The following PACSIN2 variants were observed in gnomAD, a reference collection of about 807,000 sequenced individuals.
The protein encoded by PACSIN2 is protein kinase C and casein kinase substrate in neurons protein 2.
In PACSIN2, 25 loss-of-function variants were observed where a neutral mutation model predicts 63.8. The ratio of observed to expected loss-of-function variants is 0.39; its 90% confidence interval spans 0.29 to 0.55. The LOEUF (loss-of-function observed/expected upper bound fraction) is 0.55. PACSIN2 is among the 20% of genes least tolerant of loss of function. PACSIN2 has a pLI of 0.62. For synonymous variants in PACSIN2, 255 were observed against 256.2 expected (o/e 1.00, Z 0.05); for missense variants, 518 against 646.9 (o/e 0.80, Z 2.16).
chr22:42,896,717 G>C (rs892543721), intron 2 of PACSIN2, among the ~76,000 whole-genome samples: 1 of 152,216 alleles, frequency 6.6e-6, no homozygotes, highest in Non-Finnish European at 1.5e-5. Context: ...CTGGACAGCT[G>C]TGCACTGCCA....
intron 1 of PACSIN2, among the ~76,000 whole-genome samples, chr22:42,915,582 C>T (rs1262804846): frequency 6.6e-6 from 1 of 152,202 alleles, no homozygotes; most frequent in Non-Finnish European, 1.5e-5. Context: ...ATGTGCATTA[C>T]TTAAGAGTTC....
At position 42,888,709 on chromosome 22, in the gene PACSIN2, G is replaced by A. The variant is rs915151000; in HGVS notation, c.543C>T (p.Ser181=). 1.9e-6 allele frequency: 3 copies of A among 1,614,180 alleles called. No homozygotes were observed. In the Admixed American group the frequency reaches 5.0e-5, roughly 27 times the overall value. Residue 181 remains serine (S), a synonymous_variant, in exon 5 of 11, where the codon TCC becomes TCT. Transcript: ENST00000263246. ...ATTTCTTGAGCTGTTCAGGGTTGAG[G>A]GATGGGTCTGCCTTGCTGTTGGCTT... ...SREANSKADP[S]LNPEQLKKLQ... is the part of the protein sequence containing the mutation.
intron 1 of PACSIN2, among the ~76,000 whole-genome samples, chr22:42,983,416 G>C (rs79883834): frequency 2.1e-5 from 3 of 145,826 alleles, no homozygotes; most frequent in African/African-American, 7.6e-5. Context: ...CTTGAACCCA[G>C]AAGGCGGAGG....
intron 1 of PACSIN2, among the ~76,000 whole-genome samples, 183 bp from the exon 2 acceptor site, chr22:42,912,340 C>T (rs980205531): frequency 6.6e-6 from 1 of 152,146 alleles, no homozygotes; most frequent in South Asian, 2.1e-4. Flanking sequence ...ATGTGTATGT[C>T]TGTGTGTGTG....
intron 1 of PACSIN2, among the ~76,000 whole-genome samples, chr22:42,919,908 C>T (rs932567951): frequency 5.3e-5 from 8 of 150,868 alleles, no homozygotes; most frequent in African/African-American, 1.9e-4. Flanking sequence ...CTTGAGGCCA[C>T]CCTGGGCAAC....
intron 1 of PACSIN2, among the ~76,000 whole-genome samples, chr22:42,930,821 G>T (rs1932766707): frequency 6.6e-6 from 1 of 152,224 alleles, no homozygotes; most frequent in African/African-American, 2.4e-5. Context: ...CACACAACTA[G>T]TAAGGGGCAG....
Position 42,876,801 on chromosome 22 carries a change from T to C in PACSIN2, c.1151+87A>G, listed in dbSNP as rs56033074. The stretch of plus-strand genomic sequence containing the variant: ...CTGCAGAGCTCCGTGCATTGCCGAG[T>C]GCCGAGGGGTGAGACCCCTGGACAG... On this transcript the variant is annotated intron_variant, in intron 9 of 10. Transcript: ENST00000263246. The C allele has an allele frequency of 4.6e-3, 7,142 of 1,554,090 alleles. 295 individuals are homozygous for C. In the African/African-American group the frequency reaches 0.088, roughly 19 times the overall value.
At chr22:42,965,015 A>C (rs1920941125) in intron 1 of PACSIN2, among the ~76,000 whole-genome samples, 1 of 152,222 alleles carries the variant, frequency 6.6e-6, no homozygotes, top group Admixed American at 6.5e-5. Flanking sequence ...CTCCTGTAGC[A>C]CCTAGGTTTG....
intron 1 of PACSIN2, among the ~76,000 whole-genome samples, chr22:42,970,149 G>A (rs1437877283): frequency 1.3e-5 from 2 of 152,202 alleles, no homozygotes; most frequent in African/African-American, 4.8e-5. Flanking sequence ...CTGGCCTGAA[G>A]GGATCAGCAA....
At chr22:42,896,280 T>G (rs1366840838) in intron 2 of PACSIN2, among the ~76,000 whole-genome samples, 5 of 152,232 alleles carry the variant, frequency 3.3e-5, no homozygotes, top group African/African-American at 1.2e-4. Flanking sequence ...CTTTTGAGAC[T>G]GGCTTCTGTC....
At chr22:43,010,398 A>ATATATATATATATATATATTTTTTTTT in intron 1 of PACSIN2, among the ~76,000 whole-genome samples, 3 of 126,410 alleles carry the variant, frequency 2.4e-5, no homozygotes, top group East Asian at 2.1e-4. Flanking sequence ...ATATATATAT[A>ATATATATATATATATATATTTTTTTTT]TTTTTTTTTA....
At chr22:42,958,323 T>C (rs184538407) in intron 1 of PACSIN2, among the ~76,000 whole-genome samples, 8 of 152,194 alleles carry the variant, frequency 5.3e-5, no homozygotes, top group Admixed American at 5.2e-4. Flanking sequence ...GCTCTAAATA[T>C]TGCGTTCCCA....
At chr22:42,891,512 T>C (rs1017493593) in intron 3 of PACSIN2, among the ~76,000 whole-genome samples, 1 of 152,188 alleles carries the variant, frequency 6.6e-6, no homozygotes, top group African/African-American at 2.4e-5. Flanking sequence ...GAGATTCTCC[T>C]GCCTCAGCCT....
intron 2 of PACSIN2, among the ~76,000 whole-genome samples, chr22:42,906,321 T>C (rs954131735): frequency 6.6e-6 from 1 of 152,248 alleles, no homozygotes. Flanking sequence ...AAAGGCTGCT[T>C]TCTGCTCTAA....
intron 1 of PACSIN2, among the ~76,000 whole-genome samples, chr22:43,012,714 C>T (rs1924584606): frequency 6.6e-6 from 1 of 151,776 alleles, no homozygotes; most frequent in East Asian, 1.9e-4. Flanking sequence ...GTGCAACGGC[C>T]GGATCTTGGC....
At chr22:42,895,874 C>T (rs538981509) in intron 2 of PACSIN2, among the ~76,000 whole-genome samples, 8 of 152,312 alleles carry the variant, frequency 5.3e-5, no homozygotes, top group South Asian at 2.1e-4. Context: ...TTTAATGAAA[C>T]GGTTGTGTGG....
chr22:43,012,577 T>C (rs142757987), intron 1 of PACSIN2, among the ~76,000 whole-genome samples: 1 of 152,010 alleles, frequency 6.6e-6, no homozygotes, highest in East Asian at 1.9e-4. Context: ...ATCTCCCAGG[T>C]TCAAGCAATT....
At chr22:42,981,889 G>T (rs1430285935) in intron 1 of PACSIN2, among the ~76,000 whole-genome samples, 1 of 94,138 alleles carries the variant, frequency 1.1e-5, no homozygotes, top group Non-Finnish European at 2.2e-5. Context: ...TCAGCCCCCC[G>T]CCTGGCCAGC....
At chr22:42,898,983 C>T (rs575054977) in intron 2 of PACSIN2, among the ~76,000 whole-genome samples, 1 of 152,316 alleles carries the variant, frequency 6.6e-6, no homozygotes, top group South Asian at 2.1e-4. Context: ...CTCCATCCTG[C>T]ATGCATCTGT....
Sources: gnomAD v4.1 joint callset for allele counts (sites outside exome capture counted in the v4.1 genomes callset) on GRCh38, gnomAD v4.1.1 for gene constraint, MANE v1.5 for transcripts, NCBI Gene and HGNC (gene_info 2026-07-23, HGNC 2026-07-21) for gene names.